The following HIP1 variants were observed in gnomAD, a reference collection of about 807,000 sequenced individuals.
HIP1 encodes the protein huntingtin-interacting protein 1.
In HIP1, 65 loss-of-function variants were observed where a neutral mutation model predicts 147.6. The observed-to-expected ratio is 0.44, with a 90% confidence interval of 0.36 to 0.54. HIP1 has a LOEUF of 0.54. Among genes scored for constraint, HIP1 ranks in the 20% least tolerant of loss-of-function variants. The pLI is 0.00. For synonymous variants in HIP1, 479 were observed against 504.0 expected (o/e 0.95, Z 0.67); for missense variants, 1,061 against 1,299.6 (o/e 0.82, Z 2.82).
chr7:75,558,029 G>A, intron 15 of HIP1, 138 bp downstream of exon 15: 2 of 719,070 alleles, frequency 2.8e-6, no homozygotes, highest in South Asian at 1.7e-5. Context: ...AGCCTGAAAA[G>A]GTGTGGTTCC....
At chr7:75,591,299 C>T (rs1166414063) in intron 4 of HIP1, among the ~76,000 whole-genome samples, 2 of 152,050 alleles carry the variant, frequency 1.3e-5, no homozygotes, top group East Asian at 3.9e-4. Context: ...TCCTAAAGTG[C>T]TAGGATTACA....
intron 1 of HIP1, among the ~76,000 whole-genome samples, chr7:75,681,520 T>TGAGACAGGG (rs1800069454): frequency 1.1e-5 from 1 of 94,368 alleles, no homozygotes; most frequent in African/African-American, 4.1e-5. Flanking sequence ...TTTTTTTTTT[T>TGAGACAGGG]TTTTGAGACA....
Position 75,537,994 on chromosome 7 carries a change from A to G in HIP1, c.*178T>C. ...AACAGAGATGACCATGGGTCCAAACAGAAAGGGTGTCGCTATGGAGGGAGT... is the reference window on the plus strand; with the variant it reads ...AACAGAGATGACCATGGGTCCAAACGGAAAGGGTGTCGCTATGGAGGGAGT... On this transcript the variant is annotated 3_prime_UTR_variant, in exon 31 of 31. Coordinates refer to ENST00000336926, the MANE Select transcript of HIP1 (RefSeq NM_005338.7). 3.0e-6 allele frequency: 2 copies of G among 658,232 alleles called. No individual in the cohort carries two copies. The highest frequency in any genetic ancestry group is 2.8e-6 in the Non-Finnish European group (1 of 356,878). 40.8% of individuals were successfully genotyped at this position (658,232 alleles called of 1,614,324 possible). A position where few individuals can be genotyped will look rare whatever the true frequency, so the allele number is the denominator to read the frequency against.
chr7:75,656,911 C>A (rs1799159901), intron 1 of HIP1, among the ~76,000 whole-genome samples: 1 of 152,158 alleles, frequency 6.6e-6, no homozygotes, highest in Non-Finnish European at 1.5e-5. Flanking sequence ...AGTCTGACCC[C>A]CTGGGAATCT....
chr7:75,714,001 CT>C (rs58935776), intron 1 of HIP1, among the ~76,000 whole-genome samples: 80,884 of 148,254 alleles, frequency 0.55, 22,353 homozygotes, highest in African/African-American at 0.65. Context: ...TGCCCAGCCT[CT>C]TTTTTTTTTT....
At chr7:75,698,181 CT>C in intron 1 of HIP1, among the ~76,000 whole-genome samples, 1 of 152,170 alleles carries the variant, frequency 6.6e-6, no homozygotes, top group Admixed American at 6.6e-5. Flanking sequence ...ACGCTTTATC[CT>C]TTTTCCTATT....
chr7:75,667,452 C>A (rs1265229688), intron 1 of HIP1, among the ~76,000 whole-genome samples: 1 of 152,138 alleles, frequency 6.6e-6, no homozygotes, highest in Non-Finnish European at 1.5e-5. Context: ...TGAAAAAATT[C>A]TATAAACCAA....
intron 27 of HIP1, among the ~76,000 whole-genome samples, chr7:75,544,348 T>C (rs1405018731): frequency 6.6e-6 from 1 of 151,910 alleles, no homozygotes; most frequent in Non-Finnish European, 1.5e-5. Context: ...AACTCCTAAG[T>C]AGTCTCTAAC....
chr7:75,638,005 T>TATACACAC, intron 1 of HIP1, among the ~76,000 whole-genome samples: 1 of 43,982 alleles, frequency 2.3e-5, no homozygotes, highest in Non-Finnish European at 3.9e-5. Flanking sequence ...CACACACACA[T>TATACACAC]ACACACACAC....
At chr7:75,649,947 G>T (rs1321096417) in intron 1 of HIP1, among the ~76,000 whole-genome samples, 1 of 152,048 alleles carries the variant, frequency 6.6e-6, no homozygotes, top group African/African-American at 2.4e-5. Context: ...TTAAACACAG[G>T]TGTCCATGGT....
intron 1 of HIP1, among the ~76,000 whole-genome samples, chr7:75,693,847 A>G (rs1465195170): frequency 6.6e-6 from 1 of 152,122 alleles, no homozygotes; most frequent in East Asian, 1.9e-4. Flanking sequence ...GCACTGCACC[A>G]ATGCTGATGA....
chr7:75,666,449 C>T (rs531998891), intron 1 of HIP1, among the ~76,000 whole-genome samples: 33 of 152,210 alleles, frequency 2.2e-4, no homozygotes, highest in Non-Finnish European at 3.2e-4. Context: ...GGATTACAGG[C>T]GTGAGCCACC....
Position 75,547,039 on chromosome 7 carries a change from A to G in HIP1, c.2466-7T>C, listed in dbSNP as rs1794593200. On this transcript the variant is annotated splice_region_variant and splice_polypyrimidine_tract_variant and intron_variant, in intron 24 of 30. Coordinates refer to ENST00000336926, the MANE Select transcript of HIP1 (RefSeq NM_005338.7). The stretch of plus-strand genomic sequence containing the variant: ...GGTACAGCAACCAAGGATCCTGCCA[A>G]ACAAACAAGTCGAGGATACACTGAG... 1 of 1,573,236 alleles carries G rather than the reference A, an allele frequency of 6.4e-7. No homozygotes were observed. Among genetic ancestry groups the G allele is most frequent in the East Asian group, 2.3e-5 (1 of 43,648 alleles).
At chr7:75,631,699 T>C (rs1798227325) in intron 1 of HIP1, among the ~76,000 whole-genome samples, 1 of 152,118 alleles carries the variant, frequency 6.6e-6, no homozygotes, top group Admixed American at 6.6e-5. Flanking sequence ...ATTAATTTAT[T>C]TGGGGCTCCG....
intron 30 of HIP1, 49 bp downstream of exon 30, chr7:75,539,274 G>T: frequency 7.2e-7 from 1 of 1,386,084 alleles, no homozygotes; most frequent in Non-Finnish European, 1.0e-6. Flanking sequence ...TGGCCACACA[G>T]CTTCCCCTCC....
chr7:75,599,836 A>G (rs1456688538), intron 1 of HIP1, among the ~76,000 whole-genome samples: 5 of 133,224 alleles, frequency 3.8e-5, no homozygotes, highest in African/African-American at 6.3e-5. Context: ...TAAAATCGTT[A>G]ACTTTTTTTT....
intron 1 of HIP1, among the ~76,000 whole-genome samples, chr7:75,706,473 C>CTTTTTTTTTTTTTTTTTTTTTTTTTTTTT (rs139655610): frequency 7.2e-6 from 1 of 138,098 alleles, no homozygotes; most frequent in Non-Finnish European, 1.5e-5. Context: ...TATATATCTT[C>CTTTTTTTTTTTTTTTTTTTTTTTTTTTTT]TTTTTTTTTA....
rs781875604 is a variant in HIP1 at position 75,676,780 on chromosome 7, GAAA to G, written c.120+62018_120+62020del. On this transcript the variant is annotated intron_variant, in intron 1 of 30. Coordinates refer to ENST00000336926, the MANE Select transcript of HIP1 (RefSeq NM_005338.7). Reference sequence around the variant, plus strand: ...AAAAAGAATGAAACTCCATCTCAAAGAAAAAAAAAAAAAGCCCCCCATGGACAT... The same window carrying G: ...AAAAAGAATGAAACTCCATCTCAAAGAAAAAAAAAAGCCCCCCATGGACAT... 7.6e-4 allele frequency among the ~76,000 whole-genome samples: 109 copies of G among 143,360 alleles called. 1 individual carries two copies. Among genetic ancestry groups the G allele is most frequent in the African/African-American group, 2.1e-3 (84 of 39,864 alleles). The allele number at this position is 143,360 out of a possible 152,430, so 94.0% of individuals were successfully genotyped here. A position where few individuals can be genotyped will look rare whatever the true frequency, so the allele number is the denominator to read the frequency against.
At chr7:75,644,316 T>C (rs1798737122) in intron 1 of HIP1, among the ~76,000 whole-genome samples, 1 of 152,130 alleles carries the variant, frequency 6.6e-6, no homozygotes, top group Non-Finnish European at 1.5e-5. Context: ...GTTTTTGAGA[T>C]GGAATTTCAC....
Sources: gnomAD v4.1 joint callset for allele counts (sites outside exome capture counted in the v4.1 genomes callset) on GRCh38, gnomAD v4.1.1 for gene constraint, MANE v1.5 for transcripts, NCBI Gene and HGNC (gene_info 2026-07-23, HGNC 2026-07-21) for gene names.